Variants in FAM240A observed in about 807,000 individuals in gnomAD.
FAM240A encodes the protein family with sequence similarity 240 member A.
A neutral mutation model predicts 7.3 loss-of-function variants in FAM240A; 8 were observed. The observed-to-expected ratio is 1.09, with a 90% CI of 0.64 to 1.97. The LOEUF (loss-of-function observed/expected upper bound fraction) is 1.97. Ranked by LOEUF, FAM240A falls within the 30% of genes most tolerant of loss-of-function variation. The pLI is 0.00. For synonymous variants in FAM240A, 32 were observed against 35.9 expected, an observed-to-expected ratio of 0.89 and a Z score of 0.38; for missense variants, 90 against 102.2, an observed-to-expected ratio of 0.88 and a Z score of 0.52.
intron 1 of FAM240A, 38 bp from the exon 2 acceptor site, chr3:46,617,145 T>G: frequency 7.3e-7 from 1 of 1,364,846 alleles, no homozygotes; most frequent in Non-Finnish European, 9.9e-7. Flanking sequence ...TTTCTTCATA[T>G]GTTTTTTGGT....
intron 2 of FAM240A, among the ~76,000 whole-genome samples, chr3:46,623,646 T>C (rs1469836916): frequency 6.6e-6 from 1 of 152,196 alleles, no homozygotes; most frequent in Non-Finnish European, 1.5e-5. Flanking sequence ...CTCTTTCTCT[T>C]TGGTAATATT....
At chr3:46,618,233 C>G (rs1697652157) in intron 2 of FAM240A, among the ~76,000 whole-genome samples, 1 of 152,198 alleles carries the variant, frequency 6.6e-6, no homozygotes, top group Admixed American at 6.5e-5. Flanking sequence ...GGGAACCCAG[C>G]CTCCCACTTA....
chr3:46,616,963 T>C (rs2107141262), intron 1 of FAM240A, among the ~76,000 whole-genome samples: 1 of 152,358 alleles, frequency 6.6e-6, no homozygotes, highest in South Asian at 2.1e-4. Flanking sequence ...TGTACTAATT[T>C]ACATTCCTAC....
chr3:46,616,012 C>T (rs898094206), intron 1 of FAM240A, among the ~76,000 whole-genome samples: 1 of 152,234 alleles, frequency 6.6e-6, no homozygotes, highest in African/African-American at 2.4e-5. Context: ...AAGGTCATGG[C>T]CATCTCATGT....
chr3:46,621,958 A>G (rs1224079150), intron 2 of FAM240A, among the ~76,000 whole-genome samples: 1 of 151,750 alleles, frequency 6.6e-6, no homozygotes, highest in Admixed American at 6.6e-5. Flanking sequence ...TACTCTTTGA[A>G]TTGATATCCA....
At chr3:46,618,014 G>A (rs879570623) in intron 2 of FAM240A, among the ~76,000 whole-genome samples, 6 of 152,196 alleles carry the variant, frequency 3.9e-5, no homozygotes, top group Admixed American at 1.3e-4. Flanking sequence ...GGGAGGGACC[G>A]CCCTTTTGAG....
chr3:46,619,734 C>T (rs775265454), intron 2 of FAM240A, among the ~76,000 whole-genome samples: 1 of 152,208 alleles, frequency 6.6e-6, no homozygotes, highest in South Asian at 2.1e-4. Flanking sequence ...CTCCAGGTAA[C>T]TAGCATGGCA....
At chr3:46,624,835 G>A (rs959436613) in intron 2 of FAM240A, among the ~76,000 whole-genome samples, 4 of 151,932 alleles carry the variant, frequency 2.6e-5, no homozygotes, top group Non-Finnish European at 4.4e-5. Context: ...AGTCTAGACT[G>A]ACAGGTTTAC....
Position 46,625,515 on chromosome 3 carries a change from G to A in FAM240A, c.*297G>A, listed in dbSNP as rs1014286719. 5.5e-6 allele frequency: 1 copy of A among 180,816 alleles called. No homozygotes were observed. The highest frequency in any genetic ancestry group is 2.4e-5 in the African/African-American group (1 of 42,394). The allele number at this position is 180,816 out of a possible 1,614,324, so 11.2% of individuals were successfully genotyped here. A position where few individuals can be genotyped will look rare whatever the true frequency, so the allele number is the denominator to read the frequency against. On this transcript the variant is annotated 3_prime_UTR_variant, in exon 3 of 3. Transcript: ENST00000640551. ...TTCTATATAATTATCTTCTAATTTT[G>A]AAATCCAAATATTTTAAACTCTAAA...
At chr3:46,623,799 AT>A (rs1231188901) in intron 2 of FAM240A, among the ~76,000 whole-genome samples, 1 of 152,186 alleles carries the variant, frequency 6.6e-6, no homozygotes, top group Non-Finnish European at 1.5e-5. Context: ...AGCAGTATAT[AT>A]TTGGATATTG....
chr3:46,624,974 TA>T (rs1697740141), intron 2 of FAM240A, among the ~76,000 whole-genome samples, 153 bp from the exon 3 acceptor site: 2 of 149,660 alleles, frequency 1.3e-5, no homozygotes, highest in African/African-American at 4.9e-5. Flanking sequence ...TATATATATA[TA>T]TATATATTTA....
intron 2 of FAM240A, among the ~76,000 whole-genome samples, chr3:46,622,105 T>TC: frequency 6.8e-6 from 1 of 147,654 alleles, no homozygotes; most frequent in African/African-American, 2.5e-5. Flanking sequence ...GAGAAAATTT[T>TC]CTTTTTTTTT....
intron 2 of FAM240A, 110 bp from the exon 3 acceptor site, chr3:46,625,018 C>T: frequency 3.5e-6 from 2 of 572,602 alleles, no homozygotes; most frequent in Non-Finnish European, 5.9e-6. Context: ...CTTTTAAAAC[C>T]TGAACACATA....
At chr3:46,622,688 T>G (rs1290935619) in intron 2 of FAM240A, among the ~76,000 whole-genome samples, 3 of 152,206 alleles carry the variant, frequency 2.0e-5, no homozygotes, top group Non-Finnish European at 4.4e-5. Context: ...TAATAACTCA[T>G]CTATGTGTAG....
intron 1 of FAM240A, among the ~76,000 whole-genome samples, chr3:46,614,146 A>C (rs1697601650): frequency 1.3e-5 from 2 of 152,158 alleles, no homozygotes; most frequent in Admixed American, 6.5e-5. Flanking sequence ...CTGGTCTCAA[A>C]CTACTGGGAT....
chr3:46,624,909 C>T lies in FAM240A; in HGVS notation c.162-219C>T, dbSNP rs571446210. On this transcript the variant is annotated intron_variant, in intron 2 of 2. Transcript: ENST00000640551. ...GAGAATTAAGATTAAGTACTTCTAA[C>T]AAAAATGAGAGCCTGTTTACTCTTA... 1.3e-4 allele frequency among the ~76,000 whole-genome samples: 20 copies of T among 150,790 alleles called. No individual in the cohort carries two copies. In the South Asian group the frequency reaches 3.4e-3, roughly 25 times the overall value.
intron 2 of FAM240A, among the ~76,000 whole-genome samples, chr3:46,620,912 A>AGC (rs1697686610): frequency 6.6e-6 from 1 of 152,182 alleles, no homozygotes; most frequent in African/African-American, 2.4e-5. Context: ...AGGAGTTATT[A>AGC]TATTTAAGGA....
chr3:46,617,154 G>T (rs1305976248), intron 1 of FAM240A, 29 bp from the exon 2 acceptor site: 2 of 1,457,328 alleles, frequency 1.4e-6, no homozygotes, highest in Admixed American at 2.4e-5. Context: ...ATGTTTTTTG[G>T]TTATTTGTAT....
At chr3:46,621,321 C>T in intron 2 of FAM240A, among the ~76,000 whole-genome samples, 1 of 146,920 alleles carries the variant, frequency 6.8e-6, no homozygotes, top group East Asian at 2.0e-4. Context: ...TTTTTATCAA[C>T]AGACTTTATA....
Sources: allele counts gnomAD v4.1 joint callset (sites outside exome capture counted in the v4.1 genomes callset), GRCh38; gene constraint gnomAD v4.1.1; transcripts MANE v1.5; gene names NCBI Gene and HGNC (gene_info 2026-07-23, HGNC 2026-07-21).